GALNT10: variants seen among roughly 807,000 people sequenced by gnomAD.
GALNT10 encodes the protein GalNAc transferase 10.
GALNT10 carries 41 observed loss-of-function variants against 75.0 expected under a neutral mutation model. The observed-to-expected ratio is 0.55, with a 90% CI of 0.43 to 0.71. The LOEUF (loss-of-function observed/expected upper bound fraction) is 0.71. GALNT10 is among the 30% of genes least tolerant of loss of function. The probability of loss-of-function intolerance (pLI) is 0.00; values close to 1 mark genes in which losing one functional copy is unlikely to be tolerated. For synonymous variants in GALNT10, 302 were observed against 313.0 expected (o/e 0.96, Z 0.37); for missense variants, 727 against 818.5 (o/e 0.89, Z 1.36).
At chr5:154,391,541 C>CT in intron 7 of GALNT10, among the ~76,000 whole-genome samples, 1 of 152,348 alleles carries the variant, frequency 6.6e-6, no homozygotes, top group Middle Eastern at 3.4e-3. Flanking sequence ...TTGGACAAGT[C>CT]TTTAACTCCA....
intron 3 of GALNT10, among the ~76,000 whole-genome samples, chr5:154,304,670 G>T (rs1262891043): frequency 2.0e-5 from 3 of 152,098 alleles, no homozygotes; most frequent in African/African-American, 4.8e-5. Context: ...TATGCTATTT[G>T]TCTTATTGTT....
At chr5:154,379,551 C>T (rs1375851123) in intron 5 of GALNT10, among the ~76,000 whole-genome samples, 1 of 152,246 alleles carries the variant, frequency 6.6e-6, no homozygotes, top group African/African-American at 2.4e-5. Context: ...TTGTCTCCCA[C>T]AGCAGATTGT....
intron 7 of GALNT10, among the ~76,000 whole-genome samples, chr5:154,398,442 C>T (rs1236448638): frequency 6.6e-6 from 1 of 152,224 alleles, no homozygotes; most frequent in East Asian, 1.9e-4. Flanking sequence ...GGACTCTGCT[C>T]CTGCCTCTTG....
At chr5:154,266,349 T>G (rs912144475) in intron 1 of GALNT10, among the ~76,000 whole-genome samples, 1 of 152,104 alleles carries the variant, frequency 6.6e-6, no homozygotes, top group Non-Finnish European at 1.5e-5. Flanking sequence ...TACAAAATTC[T>G]TAACAGTGAT....
chr5:154,378,434 T>C (rs1229159911), intron 5 of GALNT10, among the ~76,000 whole-genome samples: 2 of 152,158 alleles, frequency 1.3e-5, no homozygotes, highest in Admixed American at 6.5e-5. Flanking sequence ...CCAGGCATCA[T>C]TATCCACTTT....
intron 1 of GALNT10, among the ~76,000 whole-genome samples, chr5:154,268,417 G>A (rs1753810633): frequency 6.6e-6 from 1 of 152,138 alleles, no homozygotes; most frequent in Admixed American, 6.5e-5. Flanking sequence ...TTACCACAGA[G>A]GTAGCTGTAC....
chr5:154,342,693 T>G (rs1297049202), intron 4 of GALNT10, among the ~76,000 whole-genome samples: 2 of 152,208 alleles, frequency 1.3e-5, no homozygotes, highest in Non-Finnish European at 2.9e-5. Context: ...TAAGTTAAGA[T>G]GCCTACAGCC....
rs7715816 is a variant in GALNT10, at chr5:154,365,717, G to A, written c.569-10560G>A. On this transcript the variant is annotated intron_variant, in intron 4 of 11. Transcript: ENST00000297107. ...TCTCCAAAGTCCCCTAGGCCACACC[G>A]CTGGGGACTGTCTGCCCTCTCACCC... is the stretch of plus-strand genomic sequence containing the variant. 1.2e-4 allele frequency among the ~76,000 whole-genome samples: 19 copies of A among 152,208 alleles called. 1 individual carries two copies. The highest frequency in any genetic ancestry group is 9.2e-4 in the Admixed American group (14 of 15,266).
chr5:154,227,119 A>G (rs1581928347), intron 1 of GALNT10, among the ~76,000 whole-genome samples: 1 of 151,068 alleles, frequency 6.6e-6, no homozygotes, highest in East Asian at 1.9e-4. Context: ...GGTTGTTTCT[A>G]GTTTTGTGCT....
Position 154,238,265 on chromosome 5 carries a change from C to T in GALNT10, c.159+47240C>T, listed in dbSNP as rs943373364. Among the ~76,000 whole-genome samples, 3 of 150,172 alleles carry T rather than the reference C, an allele frequency of 2.0e-5. No individual in the cohort carries two copies. The South Asian group carries it at 6.3e-4, about 32-fold the overall frequency. On this transcript the variant is annotated intron_variant, in intron 1 of 11. Coordinates refer to ENST00000297107, the MANE Select transcript of GALNT10 (RefSeq NM_198321.4). The stretch of plus-strand genomic sequence containing the variant: ...TTTAAGTGAATTTTCTTAATGCCCT[C>T]TATTTCCTTCAACCATAAAGTTTTA...
At chr5:154,212,402 G>A (rs1752779270) in intron 1 of GALNT10, among the ~76,000 whole-genome samples, 1 of 152,218 alleles carries the variant, frequency 6.6e-6, no homozygotes, top group Admixed American at 6.5e-5. Flanking sequence ...GCACATCTAT[G>A]TGTATAAATA....
intron 1 of GALNT10, among the ~76,000 whole-genome samples, chr5:154,271,454 G>A (rs964006397): frequency 2.0e-5 from 3 of 152,070 alleles, no homozygotes; most frequent in South Asian, 2.1e-4. Context: ...CAACAAGGAC[G>A]AAACTCCGTC....
At chr5:154,260,670 A>G (rs1435988170) in intron 1 of GALNT10, among the ~76,000 whole-genome samples, 1 of 152,246 alleles carries the variant, frequency 6.6e-6, no homozygotes, top group Admixed American at 6.5e-5. Context: ...TTTTAAAAGC[A>G]TATGTTTCTC....
At chr5:154,247,000 A>G (rs1404016010) in intron 1 of GALNT10, among the ~76,000 whole-genome samples, 4 of 152,182 alleles carry the variant, frequency 2.6e-5, no homozygotes, top group African/African-American at 7.2e-5. Flanking sequence ...GGTGTAAGGA[A>G]GGGATCCAGT....
intron 1 of GALNT10, among the ~76,000 whole-genome samples, chr5:154,214,882 A>G (rs939605413): frequency 6.6e-6 from 1 of 152,226 alleles, no homozygotes; most frequent in African/African-American, 2.4e-5. Flanking sequence ...CAGAGCAATT[A>G]CTTAAACTCA....
At chr5:154,255,109 T>C (rs982901254) in intron 1 of GALNT10, among the ~76,000 whole-genome samples, 2 of 152,096 alleles carry the variant, frequency 1.3e-5, no homozygotes, top group Non-Finnish European at 2.9e-5. Context: ...TGAGTCACCA[T>C]GCCCAGCCCC....
intron 10 of GALNT10, among the ~76,000 whole-genome samples, chr5:154,414,225 G>A (rs1756458369): frequency 6.6e-6 from 1 of 152,168 alleles, no homozygotes; most frequent in African/African-American, 2.4e-5. Flanking sequence ...TTCTTAGAAA[G>A]TTGACCATTG....
intron 1 of GALNT10, among the ~76,000 whole-genome samples, chr5:154,257,932 C>T (rs1753639553): frequency 6.6e-6 from 1 of 152,162 alleles, no homozygotes; most frequent in Non-Finnish European, 1.5e-5. Context: ...TGTTACAATA[C>T]ATAAATTAAC....
At chr5:154,284,517 T>C (rs1754085593) in intron 1 of GALNT10, among the ~76,000 whole-genome samples, 1 of 152,222 alleles carries the variant, frequency 6.6e-6, no homozygotes. Flanking sequence ...TGATGAGCTT[T>C]CCAGTTCCTT....
Sources: gnomAD v4.1 joint callset for allele counts (sites outside exome capture counted in the v4.1 genomes callset) on GRCh38, gnomAD v4.1.1 for gene constraint, MANE v1.5 for transcripts, NCBI Gene and HGNC (gene_info 2026-07-23, HGNC 2026-07-21) for gene names.